COL19A1: variants seen among roughly 807,000 people sequenced by gnomAD.
COL19A1 encodes the protein collagen alpha-1(XIX) chain.
COL19A1 carries 159 observed loss-of-function variants against 190.2 expected under a neutral mutation model. That is an observed-to-expected ratio of 0.84 (90% CI 0.73 to 0.95). The LOEUF (loss-of-function observed/expected upper bound fraction) is 0.95. COL19A1 is among the 40% of genes least tolerant of loss of function. COL19A1 has a pLI of 0.00. For missense variants in COL19A1, 1,418 were observed against 1,431.9 expected, an observed-to-expected ratio of 0.99 and a Z score of 0.16; for synonymous variants, 509 against 458.9, an observed-to-expected ratio of 1.11 and a Z score of -1.39.
chr6:70,094,210 C>T (rs1182310402), intron 15 of COL19A1, among the ~76,000 whole-genome samples: 1 of 152,188 alleles, frequency 6.6e-6, no homozygotes, highest in Non-Finnish European at 1.5e-5. Flanking sequence ...TAATTCTTTA[C>T]ATCAGGCATA....
At chr6:69,962,763 A>G in intron 10 of COL19A1, 63 bp from the exon 11 acceptor site, 1 of 1,145,404 alleles carries the variant, frequency 8.7e-7, no homozygotes. Flanking sequence ...TTTTTATTGT[A>G]AAAATTGCAT....
chr6:69,949,319 A>G (rs1773993663), intron 9 of COL19A1, among the ~76,000 whole-genome samples: 1 of 151,768 alleles, frequency 6.6e-6, no homozygotes, highest in African/African-American at 2.4e-5. Context: ...TGGTGGTGCC[A>G]GCTATGATTC....
chr6:70,143,345 A>C (rs1029125298), intron 23 of COL19A1, among the ~76,000 whole-genome samples: 2 of 152,142 alleles, frequency 1.3e-5, no homozygotes, highest in African/African-American at 4.8e-5. Context: ...AATACTCAAT[A>C]CACCTTTCTA....
At chr6:70,025,026 CTTT>C (rs1201144149) in intron 12 of COL19A1, among the ~76,000 whole-genome samples, 6 of 137,684 alleles carry the variant, frequency 4.4e-5, no homozygotes, top group Admixed American at 1.5e-4. Context: ...GGGATAGATT[CTTT>C]TTTTTTTTTT....
intron 44 of COL19A1, among the ~76,000 whole-genome samples, chr6:70,181,927 G>T (rs545181683): frequency 6.6e-6 from 1 of 152,166 alleles, no homozygotes; most frequent in Non-Finnish European, 1.5e-5. Flanking sequence ...AGGAAGAGTT[G>T]GAAAGATACG....
chr6:69,910,684 A>AT (rs1245927949), intron 4 of COL19A1, among the ~76,000 whole-genome samples: 3 of 152,154 alleles, frequency 2.0e-5, no homozygotes, highest in Admixed American at 6.5e-5. Context: ...TATATATTAG[A>AT]TTTTTTTCTT....
intron 11 of COL19A1, among the ~76,000 whole-genome samples, chr6:69,969,099 A>G (rs140226638): frequency 6.4e-4 from 97 of 152,342 alleles, no homozygotes; most frequent in Middle Eastern, 3.4e-3. Flanking sequence ...GAATGACTGC[A>G]GGAATTAAAT....
intron 16 of COL19A1, among the ~76,000 whole-genome samples, chr6:70,114,861 G>T (rs2150203557): frequency 6.6e-6 from 1 of 152,228 alleles, no homozygotes; most frequent in East Asian, 1.9e-4. Flanking sequence ...AAACACACTT[G>T]AAAACATCTC....
At chr6:69,972,635 A>C (rs148107551) in intron 11 of COL19A1, among the ~76,000 whole-genome samples, 2 of 151,846 alleles carry the variant, frequency 1.3e-5, no homozygotes, top group Non-Finnish European at 2.9e-5. Flanking sequence ...ATAAAAATTA[A>C]TTTTACATGT....
chr6:70,210,828 T>C lies in COL19A1; in HGVS notation c.*3554T>C, dbSNP rs1358801514. On this transcript the variant is annotated 3_prime_UTR_variant, in exon 51 of 51. Transcript: ENST00000620364. ...TTTTTGTTAATTTGTTTTGTTAATT[T>C]ATGTTTTTCCTAATTTTAAGCATCT... 2.0e-5 allele frequency among the ~76,000 whole-genome samples: 3 copies of C among 152,160 alleles called. No homozygotes were observed. Among genetic ancestry groups the C allele is most frequent in the African/African-American group, 7.2e-5 (3 of 41,458 alleles).
intron 2 of COL19A1, among the ~76,000 whole-genome samples, chr6:69,897,244 C>T (rs1009268361): frequency 6.6e-6 from 1 of 152,120 alleles, no homozygotes; most frequent in Non-Finnish European, 1.5e-5. Context: ...ATCCATTTCC[C>T]ACTGAATCAA....
intron 14 of COL19A1, among the ~76,000 whole-genome samples, chr6:70,067,508 A>G (rs1437274488): frequency 6.6e-6 from 1 of 151,996 alleles, no homozygotes; most frequent in African/African-American, 2.4e-5. Flanking sequence ...TGATGGGGTA[A>G]ACTGTGGATG....
chr6:69,993,946 A>G (rs747069227), intron 11 of COL19A1, among the ~76,000 whole-genome samples: 27 of 148,310 alleles, frequency 1.8e-4, no homozygotes, highest in Admixed American at 2.7e-4. Context: ...TTGCATCTCT[A>G]TTTCCTTTAG....
chr6:70,017,276 A>G (rs972788737), intron 11 of COL19A1, among the ~76,000 whole-genome samples: 2 of 152,140 alleles, frequency 1.3e-5, no homozygotes, highest in Admixed American at 1.3e-4. Context: ...TCTAGAAAAA[A>G]GCAAAACTAT....
intron 23 of COL19A1, 27 bp from the exon 24 acceptor site, chr6:70,144,183 C>T (rs1786454907): frequency 6.3e-7 from 1 of 1,597,826 alleles, no homozygotes; most frequent in Non-Finnish European, 8.6e-7. Flanking sequence ...TCTCATTACT[C>T]TTTCCTATTA....
At chr6:70,162,010 G>C in intron 35 of COL19A1, 57 bp downstream of exon 35, 2 of 1,472,488 alleles carry the variant, frequency 1.4e-6, no homozygotes, top group Non-Finnish European at 1.8e-6. Flanking sequence ...TTTGATGCAA[G>C]GTGAATTAAT....
chr6:69,928,203 C>T (rs971042115), intron 5 of COL19A1, among the ~76,000 whole-genome samples, 171 bp downstream of exon 5: 22 of 151,790 alleles, frequency 1.4e-4, no homozygotes, highest in African/African-American at 5.3e-4. Context: ...GATGGCCTTG[C>T]TGAGATCCAT....
intron 11 of COL19A1, among the ~76,000 whole-genome samples, chr6:69,968,587 A>G (rs1212287185): frequency 6.6e-6 from 1 of 152,192 alleles, no homozygotes; most frequent in African/African-American, 2.4e-5. Flanking sequence ...ATAGTAACTC[A>G]GAAAATCAAT....
At chr6:69,947,086 C>G (rs570276165) in intron 9 of COL19A1, among the ~76,000 whole-genome samples, 1 of 152,014 alleles carries the variant, frequency 6.6e-6, no homozygotes, top group South Asian at 2.1e-4. Context: ...TTGCTGATCC[C>G]TGCTCCGGAA....
Sources: allele counts gnomAD v4.1 joint callset (sites outside exome capture counted in the v4.1 genomes callset), GRCh38; gene constraint gnomAD v4.1.1; transcripts MANE v1.5; gene names NCBI Gene and HGNC (gene_info 2026-07-23, HGNC 2026-07-21).